The following APPL2 variants were observed in gnomAD, a reference collection of about 807,000 sequenced individuals.
APPL2 encodes DCC-interacting protein 13-beta.
APPL2 carries 84 observed loss-of-function variants against 92.7 expected under a neutral mutation model. The observed-to-expected ratio is 0.91, with a 90% CI of 0.76 to 1.09. APPL2 has a LOEUF of 1.09. Ranked by LOEUF, APPL2 falls within the 50% of genes least tolerant of loss-of-function variation. The pLI, the probability that APPL2 is intolerant of heterozygous loss-of-function variation, is 0.00. For missense variants in APPL2, 736 were observed against 824.5 expected, an observed-to-expected ratio of 0.89 and a Z score of 1.31; for synonymous variants, 291 against 291.0, an observed-to-expected ratio of 1.00 and a Z score of 0.00.
rs1264316760 is a variant in APPL2 at position 105,173,800 on chromosome 12, T to C, written c.*514A>G. The C allele has an allele frequency of 6.6e-6, 1 of 152,438 alleles. No homozygotes were observed. The highest frequency in any genetic ancestry group is 1.5e-5 in the Non-Finnish European group (1 of 68,234). 9.4% of individuals were successfully genotyped at this position (152,438 alleles called of 1,614,324 possible). ...GGGCCTCAAAGCAGTGCTCATCACC[T>C]AACTGCACAAAGAAATGCTATTAGG... On this transcript the variant is annotated 3_prime_UTR_variant, in exon 21 of 21. Coordinates refer to ENST00000258530, the MANE Select transcript of APPL2 (RefSeq NM_018171.5).
chr12:105,177,477 T>G (rs939344328), intron 17 of APPL2: 1 of 574,062 alleles, frequency 1.7e-6, no homozygotes, highest in African/African-American at 1.9e-5. Context: ...AATGGAAGAT[T>G]ATATAGCAAG....
intron 17 of APPL2, among the ~76,000 whole-genome samples, chr12:105,184,778 G>A (rs968639464): frequency 6.6e-6 from 1 of 152,232 alleles, no homozygotes; most frequent in Non-Finnish European, 1.5e-5. Flanking sequence ...CAGAGCTCAA[G>A]CGTTGTGCTG....
Position 105,174,073 on chromosome 12 carries a change from G to A in APPL2, c.*241C>T, listed in dbSNP as rs572559305. ...GCTGAACAATCTAAGAAATTTTAGC[G>A]CAATCTAAGAAAAAAGACTTACCAC... On this transcript the variant is annotated 3_prime_UTR_variant, in exon 21 of 21. Transcript: ENST00000258530. 3.7e-5 allele frequency: 14 copies of A among 382,058 alleles called. No individual in the cohort carries two copies. The highest frequency in any genetic ancestry group is 1.3e-4 in the African/African-American group (6 of 47,788). The allele number at this position is 382,058 out of a possible 1,614,324, so 23.7% of individuals were successfully genotyped here.
At chr12:105,194,384 T>G (rs1887462998) in intron 14 of APPL2, among the ~76,000 whole-genome samples, 1 of 152,108 alleles carries the variant, frequency 6.6e-6, no homozygotes, top group African/African-American at 2.4e-5. Context: ...ACCTAAATAT[T>G]CAATGGTTAA....
chr12:105,174,081 A>G lies in APPL2; in HGVS notation c.*233T>C. ...ATCTAAGAAATTTTAGCGCAATCTA[A>G]GAAAAAAGACTTACCACAAAGCACC... On this transcript the variant is annotated 3_prime_UTR_variant, in exon 21 of 21. Coordinates refer to ENST00000258530, the MANE Select transcript of APPL2 (RefSeq NM_018171.5). The G allele has an allele frequency of 2.4e-6, 1 of 418,374 alleles. No homozygotes were observed. The highest frequency in any genetic ancestry group is 4.5e-5 in the Admixed American group (1 of 22,322). The allele number at this position is 418,374 out of a possible 1,614,324, so 25.9% of individuals were successfully genotyped here. A position where few individuals can be genotyped will look rare whatever the true frequency, so the allele number is the denominator to read the frequency against.
chr12:105,212,538 T>C (rs1889311763), intron 4 of APPL2, among the ~76,000 whole-genome samples: 1 of 152,224 alleles, frequency 6.6e-6, no homozygotes, highest in African/African-American at 2.4e-5. Context: ...ATTCGTTTAC[T>C]TTCCACTACA....
At chr12:105,231,075 T>C (rs987625831) in intron 1 of APPL2, among the ~76,000 whole-genome samples, 2 of 152,240 alleles carry the variant, frequency 1.3e-5, no homozygotes, top group Non-Finnish European at 2.9e-5. Context: ...TTTTAGTCTA[T>C]TCCATTTATA....
intron 4 of APPL2, among the ~76,000 whole-genome samples, chr12:105,214,517 TGAGA>T (rs751473433): frequency 6.6e-6 from 1 of 152,226 alleles, no homozygotes; most frequent in African/African-American, 2.4e-5. Context: ...TCAACACATC[TGAGA>T]GAGAGCCACG....
chr12:105,217,181 C>T lies in APPL2; in HGVS notation c.214-41G>A, dbSNP rs372735252. On this transcript the variant is annotated intron_variant, in intron 3 of 20. Transcript: ENST00000258530. ...AAAAGAAGCAGGTGTTAAGTGAATA[C>T]TGGGGAATTCAGCACGAAGCATCAC... 1.5e-5 allele frequency: 21 copies of T among 1,392,798 alleles called. No homozygotes were observed. In the African/African-American group the frequency reaches 2.9e-4, roughly 19 times the overall value. 86.3% of individuals were successfully genotyped at this position (1,392,798 alleles called of 1,614,324 possible). A position where few individuals can be genotyped will look rare whatever the true frequency, so the allele number is the denominator to read the frequency against.
At chr12:105,188,488 C>G in intron 16 of APPL2, 41 bp from the exon 17 acceptor site, 1 of 1,604,584 alleles carries the variant, frequency 6.2e-7, no homozygotes. Flanking sequence ...CATTTACTTC[C>G]TGCTGCTGTT....
intron 2 of APPL2, among the ~76,000 whole-genome samples, chr12:105,224,579 C>G (rs529766135): frequency 6.6e-6 from 1 of 152,356 alleles, no homozygotes; most frequent in Admixed American, 6.5e-5. Flanking sequence ...CTTAGGCAAG[C>G]TACTTAACTT....
chr12:105,189,717 G>A (rs1027969923), intron 16 of APPL2, 55 bp downstream of exon 16: 21 of 1,524,762 alleles, frequency 1.4e-5, no homozygotes, highest in Non-Finnish European at 1.6e-5. Flanking sequence ...TTATTTCAAT[G>A]GCCGTTGTCA....
chr12:105,182,350 T>G (rs1268429793), intron 17 of APPL2, among the ~76,000 whole-genome samples: 2 of 152,246 alleles, frequency 1.3e-5, no homozygotes, highest in African/African-American at 4.8e-5. Context: ...TTAATTGTGA[T>G]GTTAGGATGT....
At chr12:105,190,198 T>A (rs769255127) in intron 14 of APPL2, 43 bp from the exon 15 acceptor site, 1 of 1,577,926 alleles carries the variant, frequency 6.3e-7, no homozygotes, top group African/African-American at 1.4e-5. Flanking sequence ...TACGCTTTTA[T>A]AATCAAGTGA....
intron 17 of APPL2, among the ~76,000 whole-genome samples, chr12:105,186,648 A>ATATATGATC (rs1162500560): frequency 3.0e-4 from 35 of 116,902 alleles, no homozygotes; most frequent in African/African-American, 9.9e-4. Flanking sequence ...TATATATGAT[A>ATATATGATC]TCGATATCAT....
intron 5 of APPL2, 106 bp from the exon 6 acceptor site, chr12:105,208,305 G>A: frequency 1.5e-6 from 2 of 1,339,364 alleles, no homozygotes; most frequent in Non-Finnish European, 2.1e-6. Flanking sequence ...TGCAAGGGAA[G>A]CCCCTGCACC....
intron 2 of APPL2, among the ~76,000 whole-genome samples, chr12:105,219,211 T>C (rs1889917218): frequency 6.6e-6 from 1 of 151,296 alleles, no homozygotes; most frequent in South Asian, 2.1e-4. Flanking sequence ...CCCAGTCCTA[T>C]TTGGCAGAAT....
chr12:105,194,216 A>G (rs528657560), intron 14 of APPL2, among the ~76,000 whole-genome samples: 1 of 152,338 alleles, frequency 6.6e-6, no homozygotes, highest in African/African-American at 2.4e-5. Context: ...TTTCATTAGT[A>G]TGAAAATACA....
At chr12:105,184,997 T>C (rs1278496191) in intron 17 of APPL2, among the ~76,000 whole-genome samples, 4 of 152,140 alleles carry the variant, frequency 2.6e-5, no homozygotes, top group Non-Finnish European at 5.9e-5. Context: ...TACAGCAGTT[T>C]TATGGCGCTG....
Sources: allele counts gnomAD v4.1 joint callset (sites outside exome capture counted in the v4.1 genomes callset), GRCh38; gene constraint gnomAD v4.1.1; transcripts MANE v1.5; gene names NCBI Gene and HGNC (gene_info 2026-07-23, HGNC 2026-07-21).